PRDM5: variants seen among roughly 807,000 people sequenced by gnomAD.
PRDM5 encodes PR domain zinc finger protein 5.
A neutral mutation model predicts 81.2 loss-of-function variants in PRDM5; 56 were observed. The observed-to-expected ratio is 0.69, with a 90% CI of 0.56 to 0.86. PRDM5 has a LOEUF of 0.86. Among genes scored for constraint, PRDM5 ranks in the 40% least tolerant of loss-of-function variants. The pLI, the probability that PRDM5 is intolerant of heterozygous loss-of-function variation, is 0.00. For missense variants in PRDM5, 697 were observed against 770.1 expected (o/e 0.91, Z 1.12); for synonymous variants, 267 against 256.4 (o/e 1.04, Z -0.39).
intron 2 of PRDM5, among the ~76,000 whole-genome samples, chr4:120,866,093 T>A (rs889638772): frequency 6.6e-6 from 1 of 152,246 alleles, no homozygotes; most frequent in African/African-American, 2.4e-5. Flanking sequence ...TTCCACCTCC[T>A]CATACCAATG....
At chr4:120,695,960 A>C (rs866637603) in intron 15 of PRDM5, among the ~76,000 whole-genome samples, 4 of 152,170 alleles carry the variant, frequency 2.6e-5, no homozygotes, top group African/African-American at 9.7e-5. Context: ...AACACCATGA[A>C]AAATATAATG....
At chr4:120,736,604 C>A (rs114704633) in intron 14 of PRDM5, among the ~76,000 whole-genome samples, 1,723 of 152,256 alleles carry the variant, frequency 0.011, 35 homozygotes, top group African/African-American at 0.039. Context: ...GCATCCCAGA[C>A]GCCTCTTTTT....
chr4:120,782,877 A>C, intron 11 of PRDM5, among the ~76,000 whole-genome samples: 1 of 152,122 alleles, frequency 6.6e-6, no homozygotes, highest in Non-Finnish European at 1.5e-5. Context: ...CAAGTGAATA[A>C]AAATGTTGGT....
At chr4:120,878,105 A>G (rs1762496801) in intron 2 of PRDM5, among the ~76,000 whole-genome samples, 1 of 152,168 alleles carries the variant, frequency 6.6e-6, no homozygotes, top group African/African-American at 2.4e-5. Flanking sequence ...AGCAGAAACT[A>G]ACTGCTATAG....
At chr4:120,837,006 A>G (rs1314264314) in intron 3 of PRDM5, among the ~76,000 whole-genome samples, 1 of 152,138 alleles carries the variant, frequency 6.6e-6, no homozygotes, top group East Asian at 1.9e-4. Context: ...AGGCTATTCT[A>G]CCCACCTGCC....
intron 14 of PRDM5, among the ~76,000 whole-genome samples, chr4:120,711,188 G>A (rs1736925684): frequency 1.3e-5 from 2 of 151,996 alleles, no homozygotes; most frequent in South Asian, 4.2e-4. Context: ...TGATCTAGAG[G>A]GTACAAATTG....
intron 14 of PRDM5, among the ~76,000 whole-genome samples, chr4:120,750,712 A>ACG (rs766149115): frequency 0.023 from 3,493 of 149,844 alleles, 44 homozygotes; most frequent in Middle Eastern, 0.037. Context: ...ACACACACAC[A>ACG]CACACACGCG....
chr4:120,921,700 C>G (rs1255977920), intron 1 of PRDM5, among the ~76,000 whole-genome samples: 1 of 152,154 alleles, frequency 6.6e-6, no homozygotes, highest in African/African-American at 2.4e-5. Context: ...ATTATAAGAT[C>G]AAATCCAAAG....
chr4:120,887,301 CA>C (rs1438892242), intron 2 of PRDM5, among the ~76,000 whole-genome samples: 1 of 152,086 alleles, frequency 6.6e-6, no homozygotes. Flanking sequence ...TAGTTACCTT[CA>C]ACACACAACT....
At chr4:120,759,096 G>A (rs956975590) in intron 13 of PRDM5, among the ~76,000 whole-genome samples, 2 of 152,074 alleles carry the variant, frequency 1.3e-5, no homozygotes, top group Non-Finnish European at 2.9e-5. Context: ...TCTTATCACT[G>A]ATATCTACAC....
chr4:120,750,339 G>C (rs1743797414), intron 14 of PRDM5, among the ~76,000 whole-genome samples: 1 of 152,136 alleles, frequency 6.6e-6, no homozygotes, highest in Admixed American at 6.5e-5. Flanking sequence ...CTTAAGTCTT[G>C]TGCCTAGTAA....
At chr4:120,883,814 G>A (rs13149200) in intron 2 of PRDM5, among the ~76,000 whole-genome samples, 64,908 of 152,038 alleles carry the variant, frequency 0.43, 15,974 homozygotes, top group Non-Finnish European at 0.53. Context: ...CTCTTCAAAT[G>A]AAACTTTGCA....
intron 10 of PRDM5, among the ~76,000 whole-genome samples, chr4:120,797,110 C>A (rs1751447804): frequency 6.6e-6 from 1 of 151,982 alleles, no homozygotes; most frequent in Non-Finnish European, 1.5e-5. Context: ...CCAAAATCAA[C>A]AGAAGAAACT....
chr4:120,876,613 A>G (rs991326166), intron 2 of PRDM5, among the ~76,000 whole-genome samples: 1 of 152,228 alleles, frequency 6.6e-6, no homozygotes. Context: ...AAGACCTTAC[A>G]AAGTAAAAAA....
chr4:120,792,239 A>G (rs1163979549), intron 10 of PRDM5, among the ~76,000 whole-genome samples: 1 of 152,198 alleles, frequency 6.6e-6, no homozygotes, highest in Non-Finnish European at 1.5e-5. Flanking sequence ...GTAATAATTA[A>G]CAAATAATTT....
At chr4:120,685,710 C>G (rs1346880006) in intron 1 of PRDM5, among the ~76,000 whole-genome samples, 1 of 152,060 alleles carries the variant, frequency 6.6e-6, no homozygotes, top group Non-Finnish European at 1.5e-5. Context: ...ACAAACTCAA[C>G]AAGTAGATAC....
chr4:120,747,133 A>G (rs1743222822), intron 14 of PRDM5, among the ~76,000 whole-genome samples: 1 of 150,476 alleles, frequency 6.6e-6, no homozygotes, highest in Admixed American at 6.7e-5. Context: ...TGTCCTTTGT[A>G]GGGACATGGA....
At chr4:120,837,795 T>C (rs1757532342) in intron 3 of PRDM5, 1 of 152,162 alleles carries the variant, frequency 6.6e-6, no homozygotes. Context: ...AGAATGACTA[T>C]GCCCCTTTTT....
chr4:120,838,907 T>G, intron 3 of PRDM5: 1 of 356,892 alleles, frequency 2.8e-6, no homozygotes. Context: ...TGAGAGTGAG[T>G]GTGGGGTCTG....
Sources: gnomAD v4.1 joint callset for allele counts (sites outside exome capture counted in the v4.1 genomes callset) on GRCh38, gnomAD v4.1.1 for gene constraint, MANE v1.5 for transcripts, NCBI Gene and HGNC (gene_info 2026-07-23, HGNC 2026-07-21) for gene names.